XPNPEP1: variants seen among roughly 807,000 people sequenced by gnomAD.
XPNPEP1 encodes xaa-Pro aminopeptidase 1.
Under a neutral mutation model 92.4 loss-of-function variants are expected in XPNPEP1, and 39 were observed. That is an observed-to-expected ratio of 0.42 (90% confidence interval 0.33 to 0.55). XPNPEP1 has a LOEUF of 0.55. Among genes scored for constraint, XPNPEP1 ranks in the 20% least tolerant of loss-of-function variants. XPNPEP1 has a pLI of 0.08. For synonymous variants in XPNPEP1, 307 were observed against 299.4 expected (o/e 1.03, Z -0.26); for missense variants, 654 against 856.1 (o/e 0.76, Z 2.95).
intron 9 of XPNPEP1, among the ~76,000 whole-genome samples, chr10:109,883,084 C>T (rs528005237): frequency 2.0e-5 from 3 of 152,314 alleles, no homozygotes; most frequent in East Asian, 1.9e-4. Flanking sequence ...ATGTGGTTCC[C>T]TCTGAAAAAT....
intron 16 of XPNPEP1, 71 bp downstream of exon 16, chr10:109,873,296 C>G: frequency 6.3e-7 from 1 of 1,576,214 alleles, no homozygotes; most frequent in African/African-American, 1.4e-5. Flanking sequence ...TTATACAATC[C>G]CTTTTCATAA....
chr10:109,921,097 T>C (rs1850513149), intron 1 of XPNPEP1, among the ~76,000 whole-genome samples: 1 of 152,222 alleles, frequency 6.6e-6, no homozygotes, highest in Non-Finnish European at 1.5e-5. Flanking sequence ...CCAAGATCTA[T>C]CCACCTTTCA....
At chr10:109,877,703 G>A in intron 14 of XPNPEP1, 87 bp downstream of exon 14, 2 of 1,492,582 alleles carry the variant, frequency 1.3e-6, no homozygotes, top group South Asian at 1.1e-5. Flanking sequence ...GGGCACAGAG[G>A]CCTCTGGTAA....
At chr10:109,874,000 A>G (rs939440916) in intron 15 of XPNPEP1, among the ~76,000 whole-genome samples, 1 of 152,156 alleles carries the variant, frequency 6.6e-6, no homozygotes, top group Admixed American at 6.5e-5. Context: ...AGTGACCGCT[A>G]TTGGGTATGA....
At chr10:109,916,825 T>C (rs571531362) in intron 1 of XPNPEP1, among the ~76,000 whole-genome samples, 4 of 152,096 alleles carry the variant, frequency 2.6e-5, no homozygotes, top group Non-Finnish European at 4.4e-5. Flanking sequence ...GCTCAATATA[T>C]GAAAAATCAA....
intron 11 of XPNPEP1, 92 bp from the exon 12 acceptor site, chr10:109,880,330 G>A: frequency 3.1e-6 from 4 of 1,299,192 alleles, no homozygotes; most frequent in Non-Finnish European, 4.4e-6. Flanking sequence ...TGAGAAGGCT[G>A]TACCTGCAGG....
chr10:109,889,022 CA>C lies in XPNPEP1; in HGVS notation c.416-428del, dbSNP rs552390375. Among the ~76,000 whole-genome samples, 17 of 152,248 alleles carry C rather than the reference CA, an allele frequency of 1.1e-4. No homozygotes were observed. In the East Asian group the frequency reaches 2.9e-3, roughly 26 times the overall value. ...TGGGAGACTCCCACATATCACATAC[CA>C]GGTAAGGTGATAACATGCTCCCAGT... On this transcript the variant is annotated intron_variant, in intron 5 of 20. Transcript: ENST00000502935.
intron 2 of XPNPEP1, among the ~76,000 whole-genome samples, chr10:109,913,103 T>C (rs932165924): frequency 1.4e-4 from 21 of 152,258 alleles, no homozygotes; most frequent in African/African-American, 1.2e-4. Context: ...GCCCATACAC[T>C]GCCAGGTATT....
At chr10:109,910,438 G>T (rs1397476856) in intron 2 of XPNPEP1, among the ~76,000 whole-genome samples, 1 of 151,994 alleles carries the variant, frequency 6.6e-6, no homozygotes, top group African/African-American at 2.4e-5. Context: ...TAGCTACTCA[G>T]GAGGCTGAGG....
At chr10:109,903,456 T>C (rs1431356447) in intron 3 of XPNPEP1, among the ~76,000 whole-genome samples, 1 of 152,192 alleles carries the variant, frequency 6.6e-6, no homozygotes, top group Non-Finnish European at 1.5e-5. Context: ...TGTGCTCCAG[T>C]TGCGGGAACC....
At chr10:109,909,779 C>T (rs11194909) in intron 2 of XPNPEP1, among the ~76,000 whole-genome samples, 5 of 152,176 alleles carry the variant, frequency 3.3e-5, no homozygotes, top group African/African-American at 1.2e-4. Context: ...TTTTCCAACT[C>T]ATTTTTAATA....
chr10:109,923,364 C>T, intron 1 of XPNPEP1, 38 bp downstream of exon 1: 2 of 1,426,236 alleles, frequency 1.4e-6, no homozygotes, highest in Non-Finnish European at 9.2e-7. Context: ...GAGGGCTGCA[C>T]GCTGCCCGGA....
chr10:109,922,588 C>T (rs959690758), intron 1 of XPNPEP1, among the ~76,000 whole-genome samples: 1 of 152,210 alleles, frequency 6.6e-6, no homozygotes, highest in African/African-American at 2.4e-5. Context: ...GAAAGCCTGG[C>T]CATGCTGCAA....
chr10:109,900,377 T>C (rs576899916), intron 3 of XPNPEP1, among the ~76,000 whole-genome samples: 2 of 152,294 alleles, frequency 1.3e-5, no homozygotes, highest in African/African-American at 4.8e-5. Context: ...AGGTCACACA[T>C]GAAGCCAGCC....
intron 3 of XPNPEP1, among the ~76,000 whole-genome samples, chr10:109,907,073 G>C (rs1287411648): frequency 6.6e-6 from 1 of 152,176 alleles, no homozygotes; most frequent in Admixed American, 6.5e-5. Flanking sequence ...ACCTGAGATG[G>C]GTAGGGCCTT....
Position 109,891,713 on chromosome 10 carries a change from T to C in XPNPEP1, c.415+9A>G. 1.3e-6 allele frequency: 2 copies of C among 1,561,770 alleles called. No homozygotes were observed. The highest frequency in any genetic ancestry group is 1.7e-6 in the Non-Finnish European group (2 of 1,160,000). On this transcript the variant is annotated intron_variant, in intron 5 of 20. Transcript: ENST00000502935. The stretch of plus-strand genomic sequence containing the variant: ...CAACTAAGTTTGGGCTAGCCATGCC[T>C]GTACCCACCCATCTTCATAAGTGTC...
intron 3 of XPNPEP1, among the ~76,000 whole-genome samples, chr10:109,904,795 C>A (rs1849466966): frequency 6.6e-6 from 1 of 152,130 alleles, no homozygotes; most frequent in Admixed American, 6.5e-5. Flanking sequence ...AACTGGAATG[C>A]TGTGTACCAT....
intron 3 of XPNPEP1, 150 bp downstream of exon 3, chr10:109,907,541 T>G: frequency 8.2e-7 from 1 of 1,224,692 alleles, no homozygotes; most frequent in Non-Finnish European, 1.1e-6. Flanking sequence ...AAGCATTCAG[T>G]GAGACCTATT....
rs1242485144 is a variant in XPNPEP1 at position 109,907,762 on chromosome 10, C to G, written c.175G>C (p.Ala59Pro). The change falls in exon 3 of 21, where the codon GCC (alanine) becomes CCC (proline). Residue 59 changes from alanine (A) to proline (P), a missense_variant. Transcript: ENST00000502935. The stretch of plus-strand genomic sequence containing the variant: ...GTCACATACTCAGAGTTCCTCATGG[C>G]TTGTCTCAGCTGCCGAAGCAGCTCT... ...TSELLRQLRQ[A>P]MRNSEYVTEP... is the part of the protein sequence containing the mutation. 3.7e-6 allele frequency: 6 copies of G among 1,614,238 alleles called. No individual in the cohort carries two copies. The highest frequency in any genetic ancestry group is 4.2e-6 in the Non-Finnish European group (5 of 1,180,036).
Sources: allele counts gnomAD v4.1 joint callset (sites outside exome capture counted in the v4.1 genomes callset), GRCh38; gene constraint gnomAD v4.1.1; transcripts MANE v1.5; gene names NCBI Gene and HGNC (gene_info 2026-07-23, HGNC 2026-07-21).